Variants in EFHC2 observed in about 807,000 individuals in gnomAD.
EFHC2 encodes the protein EF-hand domain containing 2.
EFHC2 carries 18 observed loss-of-function variants against 52.7 expected under a neutral mutation model. The ratio of observed to expected loss-of-function variants is 0.34; its 90% CI spans 0.24 to 0.51. The LOEUF (loss-of-function observed/expected upper bound fraction) is 0.51, where lower values mean the gene tolerates loss of function less well. Among genes scored for constraint, EFHC2 ranks in the 20% least tolerant of loss-of-function variants. The probability of loss-of-function intolerance (pLI) is 0.97; values close to 1 mark genes in which losing one functional copy is unlikely to be tolerated. For missense variants in EFHC2, 513 were observed against 562.5 expected (o/e 0.91, Z 0.89); for synonymous variants, 203 against 204.1 (o/e 0.99, Z 0.04).
Position 44,170,856 on chromosome X carries a change from G to T in EFHC2, c.2042+5436C>A, listed in dbSNP as rs754955043. On this transcript the variant is annotated intron_variant, in intron 13 of 14. Transcript: ENST00000420999. ...GGCTTTGAAAAGCAATTCCAAAGAA[G>T]AACTTTCTATGGCCACATTGTTGGA... is the stretch of plus-strand genomic sequence containing the variant. 4.5e-5 allele frequency among the ~76,000 whole-genome samples: 5 copies of T among 112,357 alleles called. No individual in the cohort carries two copies. The South Asian group carries it at 1.8e-3, about 41-fold the overall frequency.
At chrX:44,248,236 T>G (rs190516180) in intron 7 of EFHC2, 36 bp downstream of exon 7, 523 of 1,077,208 alleles carry the variant, frequency 4.9e-4, no homozygotes, top group Admixed American at 8.4e-4. Flanking sequence ...CAATTTAATT[T>G]TAAAAATATT....
intron 1 of EFHC2, among the ~76,000 whole-genome samples, chrX:44,331,247 C>T (rs953785090): frequency 1.8e-5 from 2 of 112,075 alleles, no homozygotes; most frequent in African/African-American, 6.5e-5. Context: ...TGCCCAGGGA[C>T]TTATACCAAG....
chrX:44,257,093 C>T (rs903116058), intron 4 of EFHC2, among the ~76,000 whole-genome samples: 2 of 111,582 alleles, frequency 1.8e-5, no homozygotes, highest in African/African-American at 3.3e-5. Flanking sequence ...CAATAAAATT[C>T]AACACCCCTT....
intron 1 of EFHC2, among the ~76,000 whole-genome samples, chrX:44,338,150 ATAGT>A (rs376606251): frequency 2.2e-3 from 249 of 111,593 alleles, no homozygotes; most frequent in Middle Eastern, 4.6e-3. Flanking sequence ...ATACTTTTAA[ATAGT>A]TAGTGGTTAA....
At chrX:44,324,321 G>A (rs1303977997) in intron 1 of EFHC2, among the ~76,000 whole-genome samples, 1 of 110,445 alleles carries the variant, frequency 9.1e-6, no homozygotes, top group African/African-American at 3.3e-5. Context: ...CATTCCTTAG[G>A]CCCCTGCCTG....
chrX:44,176,814 G>T (rs1240876956), intron 12 of EFHC2, among the ~76,000 whole-genome samples: 2 of 111,726 alleles, frequency 1.8e-5, no homozygotes, highest in Non-Finnish European at 3.8e-5. Flanking sequence ...CTTTTCCTTG[G>T]ACCCAAACCT....
chrX:44,267,375 A>C (rs2037585944), intron 3 of EFHC2, among the ~76,000 whole-genome samples: 3 of 111,900 alleles, frequency 2.7e-5, no homozygotes, highest in Admixed American at 9.5e-5. Flanking sequence ...GACTCATAAC[A>C]CACACAAATC....
At chrX:44,160,445 C>T in intron 14 of EFHC2, among the ~76,000 whole-genome samples, 1 of 111,256 alleles carries the variant, frequency 9.0e-6, no homozygotes, top group Non-Finnish European at 1.9e-5. Context: ...ATTTTTGTTC[C>T]ATTATATATC....
intron 11 of EFHC2, among the ~76,000 whole-genome samples, chrX:44,184,984 C>T (rs1191687427): frequency 9.0e-6 from 1 of 111,516 alleles, no homozygotes; most frequent in African/African-American, 3.3e-5. Context: ...CTCTCTATAA[C>T]AAGTAGTCTG....
intron 8 of EFHC2, among the ~76,000 whole-genome samples, chrX:44,239,852 T>C (rs1418535111): frequency 9.0e-6 from 1 of 111,564 alleles, no homozygotes; most frequent in Non-Finnish European, 1.9e-5. Flanking sequence ...GCAAGAAAGA[T>C]ATTATCCTGG....
chrX:44,313,095 CAAA>C (rs1276344069), intron 1 of EFHC2, among the ~76,000 whole-genome samples: 3 of 50,051 alleles, frequency 6.0e-5, no homozygotes, highest in Admixed American at 2.3e-4. Context: ...ATGCAAACAG[CAAA>C]AAAAAAAAAA....
chrX:44,216,443 C>A (rs912408870), intron 11 of EFHC2, among the ~76,000 whole-genome samples: 3 of 111,770 alleles, frequency 2.7e-5, no homozygotes, highest in African/African-American at 9.8e-5. Context: ...CTTACACACA[C>A]AGTAGCTCAG....
rs774628911 is a variant in EFHC2, at chrX:44,338,726, T to C, written c.42+4821A>G. 5.0e-4 allele frequency among the ~76,000 whole-genome samples: 32 copies of C among 64,552 alleles called. No homozygotes were observed. The South Asian group carries it at 0.021, about 42-fold the overall frequency. 56.1% of individuals were successfully genotyped at this position (64,552 alleles called of 115,157 possible). On this transcript the variant is annotated intron_variant, in intron 1 of 14. Coordinates refer to ENST00000420999, the MANE Select transcript of EFHC2 (RefSeq NM_025184.4). ...ACTCTCTTCTTTTTCTTTTTTCCTT[T>C]TCAAAAAAAAAAAAAGCTGGTCATG...
chrX:44,258,608 A>T (rs2037511883), intron 4 of EFHC2, among the ~76,000 whole-genome samples: 1 of 111,161 alleles, frequency 9.0e-6, no homozygotes, highest in African/African-American at 3.3e-5. Flanking sequence ...AATGGCGATC[A>T]CTGGGAGGCC....
intron 1 of EFHC2, among the ~76,000 whole-genome samples, chrX:44,342,056 ATC>A (rs2038154614): frequency 8.9e-6 from 1 of 111,996 alleles, no homozygotes. Flanking sequence ...TACTTCTGGA[ATC>A]TGTTTTCATG....
intron 11 of EFHC2, among the ~76,000 whole-genome samples, chrX:44,210,017 T>C (rs1303286699): frequency 9.1e-6 from 1 of 109,966 alleles, no homozygotes; most frequent in African/African-American, 3.3e-5. Context: ...TTAATTATTA[T>C]ATATTATAAT....
rs762572095 is a variant in EFHC2, at chrX:44,181,625, C to T, written c.1752-3061G>A. Among the ~76,000 whole-genome samples, 20 of 112,752 alleles carry T rather than the reference C, an allele frequency of 1.8e-4. 1 individual carries two copies. The highest frequency in any genetic ancestry group is 5.1e-4 in the African/African-American group (16 of 31,090). On this transcript the variant is annotated intron_variant, in intron 11 of 14. Coordinates refer to ENST00000420999, the MANE Select transcript of EFHC2 (RefSeq NM_025184.4). The stretch of plus-strand genomic sequence containing the variant: ...TTGGGTTTTAAACAGCTCAGTATTC[C>T]GGTTTTACATGACTTTACATGAAAG...
intron 13 of EFHC2, among the ~76,000 whole-genome samples, chrX:44,164,557 T>A (rs1291330225): frequency 3.6e-5 from 4 of 112,067 alleles, no homozygotes; most frequent in Non-Finnish European, 3.8e-5. Context: ...AAATTTGCTA[T>A]CGTATAAATA....
chrX:44,272,465 A>G (rs775991221), intron 3 of EFHC2, among the ~76,000 whole-genome samples: 87 of 112,110 alleles, frequency 7.8e-4, no homozygotes, highest in Admixed American at 2.2e-3. Flanking sequence ...CAAGTATGCC[A>G]CGGAGGAGTG....
Sources: gnomAD v4.1 joint callset for allele counts (sites outside exome capture counted in the v4.1 genomes callset) on GRCh38, gnomAD v4.1.1 for gene constraint, MANE v1.5 for transcripts, NCBI Gene and HGNC (gene_info 2026-07-23, HGNC 2026-07-21) for gene names.